BPI: variants seen among roughly 807,000 people sequenced by gnomAD.
BPI encodes the protein bactericidal permeability increasing protein, also known as bactericidal permeability-increasing protein.
A neutral mutation model predicts 57.6 loss-of-function variants in BPI; 48 were observed. The ratio of observed to expected loss-of-function variants is 0.83; its 90% confidence interval spans 0.66 to 1.06. BPI has a LOEUF of 1.06. Among genes scored for constraint, BPI ranks in the 50% least tolerant of loss-of-function variants. The pLI, the probability that BPI is intolerant of heterozygous loss-of-function variation, is 0.00. For synonymous variants in BPI, 237 were observed against 238.2 expected (o/e 0.99, Z 0.05); for missense variants, 651 against 609.7 (o/e 1.07, Z -0.71).
rs1166069465 is a variant in BPI at position 38,326,358 on chromosome 20, T to C, written c.1087T>C (p.Tyr363His). The C allele has an allele frequency of 1.2e-6, 2 of 1,614,068 alleles. No individual in the cohort carries two copies. The highest frequency in any genetic ancestry group is 1.7e-6 in the Non-Finnish European group (2 of 1,180,024). Residue 363 changes from tyrosine (Y) to histidine (H), a missense_variant, in exon 10 of 15, where the codon TAC becomes CAC. By Grantham distance (83) the Tyr-to-His change is moderately conservative. Transcript: ENST00000642449. ...LSVQPTGLTF[Y>H]PAVDVQAFAV... is the part of the protein sequence containing the mutation. ...TGTGCAGCCCACCGGCCTTACCTTC[T>C]ACCCTGCCGTGGATGTCCAGGCCTT...
chr20:38,329,222 G>A (rs1219467133), intron 11 of BPI, among the ~76,000 whole-genome samples: 1 of 151,664 alleles, frequency 6.6e-6, no homozygotes, highest in South Asian at 2.1e-4. Context: ...GGGAGTCGGG[G>A]GGCAGAGAGA....
At chr20:38,306,649 G>A (rs574164241) in intron 1 of BPI, among the ~76,000 whole-genome samples, 2 of 152,120 alleles carry the variant, frequency 1.3e-5, no homozygotes, top group South Asian at 2.1e-4. Context: ...AATTTCTTAG[G>A]GAGCAAGAAT....
At position 38,327,721 on chromosome 20, in the gene BPI, G is replaced by T; in HGVS notation, c.1229+66G>T. On this transcript the variant is annotated intron_variant, in intron 11 of 14. Transcript: ENST00000642449. ...TCCTTGGTGTCTGTGGGATGACAGT[G>T]GTCCTGTGATATACAGAAGCACTGC... is the stretch of plus-strand genomic sequence containing the variant. The T allele has an allele frequency of 4.5e-6, 7 of 1,555,464 alleles. No individual in the cohort carries two copies. The South Asian group carries it at 7.8e-5, about 17-fold the overall frequency.
chr20:38,306,355 G>A (rs1294578110), intron 1 of BPI, among the ~76,000 whole-genome samples: 1 of 152,214 alleles, frequency 6.6e-6, no homozygotes, highest in Non-Finnish European at 1.5e-5. Context: ...AATCTTAAGT[G>A]CCTTCAAAGT....
intron 6 of BPI, among the ~76,000 whole-genome samples, chr20:38,318,766 C>T (rs1202881282): frequency 1.3e-5 from 2 of 152,138 alleles, no homozygotes; most frequent in Non-Finnish European, 2.9e-5. Context: ...CATGACTGGC[C>T]TGAGATCTGA....
chr20:38,324,925 ATAAC>A, intron 9 of BPI, 92 bp downstream of exon 9: 1 of 1,009,832 alleles, frequency 9.9e-7, no homozygotes, highest in Non-Finnish European at 1.6e-6. Flanking sequence ...TCCACCCAAC[ATAAC>A]ACACACAAGA....
Position 38,334,475 on chromosome 20 carries a change from G to A in BPI, c.1318G>A (p.Val440Met), listed in dbSNP as rs1414075599. Residue 440 changes from valine (V) to methionine (M), a missense_variant, in exon 13 of 15, where the codon GTG (valine) becomes ATG (methionine). Transcript: ENST00000642449. ...CATGAACTACATTGTACCCATTCTT[G>A]TGCTGCCCAGGGTTAACGGTAAGGA... ...DIMNYIVPILVLPRVNEKLQK... is the reference protein window; with the variant it reads ...DIMNYIVPILMLPRVNEKLQK... 7 of 1,613,648 alleles carry A rather than the reference G, an allele frequency of 4.3e-6. No homozygotes were observed. Among genetic ancestry groups the A allele is most frequent in the Non-Finnish European group, 5.9e-6 (7 of 1,179,680 alleles).
At chr20:38,317,851 G>A (rs1481279091) in intron 5 of BPI, 1 of 1,489,878 alleles carries the variant, frequency 6.7e-7, no homozygotes, top group Non-Finnish European at 8.9e-7. Context: ...TCAGGCTAGT[G>A]TTTGTTCCAT....
chr20:38,323,789 A>G, intron 7 of BPI, 81 bp from the exon 8 acceptor site: 1 of 1,475,366 alleles, frequency 6.8e-7, no homozygotes, highest in Non-Finnish European at 9.2e-7. Flanking sequence ...TGGTGTCTTC[A>G]GTCCATTTTT....
intron 1 of BPI, among the ~76,000 whole-genome samples, chr20:38,304,642 C>A (rs1197537289): frequency 6.6e-6 from 1 of 152,196 alleles, no homozygotes; most frequent in African/African-American, 2.4e-5. Context: ...TAACCTCCAC[C>A]TTTGACTTAT....
chr20:38,332,021 A>T (rs1024332529), intron 12 of BPI, among the ~76,000 whole-genome samples: 1 of 152,166 alleles, frequency 6.6e-6, no homozygotes, highest in African/African-American at 2.4e-5. Context: ...CCAGCAGAGG[A>T]AACAGCAGGG....
intron 5 of BPI, among the ~76,000 whole-genome samples, chr20:38,317,218 G>A (rs987631966): frequency 2.0e-5 from 3 of 152,208 alleles, no homozygotes; most frequent in African/African-American, 7.2e-5. Flanking sequence ...TTAGTGAGGA[G>A]AAGCCTGTGG....
intron 7 of BPI, among the ~76,000 whole-genome samples, chr20:38,320,889 G>A (rs1263035453): frequency 7.0e-6 from 1 of 142,754 alleles, no homozygotes. Flanking sequence ...GTGGATGGGT[G>A]GGTGGGTGGG....
chr20:38,311,992 C>T, intron 5 of BPI, 55 bp downstream of exon 5: 1 of 1,538,444 alleles, frequency 6.5e-7, no homozygotes, highest in Non-Finnish European at 9.0e-7. Flanking sequence ...CCTTAGTAAC[C>T]ACACACCTCC....
rs772150466 is a variant in BPI at position 38,307,563 on chromosome 20, T to C, written c.131-4T>C. On this transcript the variant is annotated splice_region_variant and splice_polypyrimidine_tract_variant and intron_variant, in intron 1 of 14. Transcript: ENST00000642449. ...TCACTGTCACCCCTGCCTTCTCCCT[T>C]CAGCCAGCCAGCAGGGGACGGCCGC... 38 of 1,598,650 alleles carry C rather than the reference T, an allele frequency of 2.4e-5. No individual in the cohort carries two copies. The highest frequency in any genetic ancestry group is 3.1e-5 in the Non-Finnish European group (36 of 1,173,376).
rs765263229 is a variant in BPI at position 38,335,658 on chromosome 20, T to C, written c.1397T>C (p.Val466Ala). 1.2e-6 allele frequency: 2 copies of C among 1,614,026 alleles called. No individual in the cohort carries two copies. Among genetic ancestry groups the C allele is most frequent in the South Asian group, 1.1e-5 (1 of 91,082 alleles). ...GCCAGAGTCCAGCTCTACAACGTAGTGCTTCAGCCTCACCAGGTGAGTCCC... is the reference window on the plus strand; with the variant it reads ...GCCAGAGTCCAGCTCTACAACGTAGCGCTTCAGCCTCACCAGGTGAGTCCC... ...TPARVQLYNV[V>A]LQPHQNFLLF... is the part of the protein sequence containing the mutation. Residue 466 changes from valine to alanine, a missense_variant, in exon 14 of 15, where the codon GTG becomes GCG. Physicochemically the swap from Val to Ala is moderately conservative, Grantham distance 64. Coordinates refer to ENST00000642449, the MANE Select transcript of BPI (RefSeq NM_001725.3).
Position 38,326,258 on chromosome 20 carries a change from G to T in BPI, c.994-7G>T. 1 of 1,610,114 alleles carries T rather than the reference G, an allele frequency of 6.2e-7. No homozygotes were observed. The highest frequency in any genetic ancestry group is 1.1e-5 in the South Asian group (1 of 90,704). On this transcript the variant is annotated splice_region_variant and splice_polypyrimidine_tract_variant and intron_variant, in intron 9 of 14. Transcript: ENST00000642449. Reference sequence around the variant, plus strand: ...CTTTCGTTGATTGTCTCCACTGGGGGCTGCAGGTGGCCAAGAAGTTTCCCA... The same window carrying T: ...CTTTCGTTGATTGTCTCCACTGGGGTCTGCAGGTGGCCAAGAAGTTTCCCA...
intron 7 of BPI, chr20:38,321,534 C>T (rs2076685696): frequency 6.6e-6 from 1 of 152,188 alleles, no homozygotes; most frequent in African/African-American, 2.4e-5. Context: ...CCCAGAGCAG[C>T]CTTCCCTACC....
chr20:38,312,650 C>T (rs979422176), intron 5 of BPI, among the ~76,000 whole-genome samples: 1 of 152,168 alleles, frequency 6.6e-6, no homozygotes, highest in Non-Finnish European at 1.5e-5. Flanking sequence ...CAACAATTTC[C>T]CTGTCCACTG....
Sources: allele counts gnomAD v4.1 joint callset (sites outside exome capture counted in the v4.1 genomes callset), GRCh38; gene constraint gnomAD v4.1.1; transcripts MANE v1.5; gene names NCBI Gene and HGNC (gene_info 2026-07-23, HGNC 2026-07-21).